USP10: variants seen among roughly 807,000 people sequenced by gnomAD.
USP10 encodes ubiquitin carboxyl-terminal hydrolase 10.
USP10 carries 22 observed loss-of-function variants against 84.5 expected under a neutral mutation model. That is an observed-to-expected ratio of 0.26 (90% CI 0.19 to 0.37). The LOEUF (loss-of-function observed/expected upper bound fraction) is 0.37, where lower values mean the gene tolerates loss of function less well. Among genes scored for constraint, USP10 ranks in the 10% least tolerant of loss-of-function variants. The pLI is 1.00. For missense variants in USP10, 1,019 were observed against 998.9 expected (o/e 1.02, Z -0.27); for synonymous variants, 454 against 387.6 (o/e 1.17, Z -2.01).
chr16:84,727,717 A>G (rs542386703), intron 1 of USP10, among the ~76,000 whole-genome samples: 59 of 152,344 alleles, frequency 3.9e-4, no homozygotes, highest in African/African-American at 1.4e-3. Flanking sequence ...CAGACATACA[A>G]TATTTTTCCA....
intron 1 of USP10, among the ~76,000 whole-genome samples, chr16:84,728,058 A>C (rs1477375338): frequency 6.6e-6 from 1 of 152,192 alleles, no homozygotes; most frequent in Non-Finnish European, 1.5e-5. Flanking sequence ...TTTGAACAGC[A>C]GTTTCTCCTC....
At position 84,779,132 on chromosome 16, in the gene USP10, C is replaced by G; in HGVS notation, c.*50C>G. 1.3e-6 allele frequency: 2 copies of G among 1,560,002 alleles called. No individual in the cohort carries two copies. The highest frequency in any genetic ancestry group is 1.7e-6 in the Non-Finnish European group (2 of 1,144,068). ...CCAGTGCCCGCTTCGTAGGACACCA[C>G]CTCACACTCACTTCCCGCCTCTCTT... On this transcript the variant is annotated 3_prime_UTR_variant, in exon 14 of 14. Transcript: ENST00000219473.
intron 13 of USP10, among the ~76,000 whole-genome samples, chr16:84,777,585 A>T (rs1413099664): frequency 1.3e-5 from 2 of 152,052 alleles, no homozygotes; most frequent in Non-Finnish European, 2.9e-5. Context: ...TGCTGTCCCT[A>T]TGCTGTTCAG....
At chr16:84,754,081 A>G (rs1164226515) in intron 4 of USP10, among the ~76,000 whole-genome samples, 1 of 152,056 alleles carries the variant, frequency 6.6e-6, no homozygotes, top group Non-Finnish European at 1.5e-5. Context: ...GAAGTGTGAG[A>G]GTCTTGTCTT....
chr16:84,778,571 T>C (rs1186522129), intron 13 of USP10, among the ~76,000 whole-genome samples: 1 of 152,212 alleles, frequency 6.6e-6, no homozygotes, highest in Non-Finnish European at 1.5e-5. Flanking sequence ...GAGCCAGGTC[T>C]GTAGGCCTGT....
intron 3 of USP10, among the ~76,000 whole-genome samples, chr16:84,743,966 T>C (rs1033343296): frequency 6.6e-6 from 1 of 152,208 alleles, no homozygotes; most frequent in Non-Finnish European, 1.5e-5. Context: ...TCAGACTTAA[T>C]TGAAGGTTAC....
At chr16:84,753,822 T>C (rs1168368861) in intron 4 of USP10, among the ~76,000 whole-genome samples, 7 of 152,248 alleles carry the variant, frequency 4.6e-5, no homozygotes, top group East Asian at 1.9e-4. Flanking sequence ...GAGAACTTAC[T>C]GTATGCCATG....
intron 1 of USP10, among the ~76,000 whole-genome samples, chr16:84,705,413 A>G (rs959034745): frequency 6.6e-6 from 1 of 151,888 alleles, no homozygotes; most frequent in African/African-American, 2.4e-5. Context: ...TTGTATTTTT[A>G]GTAGAGACTG....
At chr16:84,705,653 A>G (rs1905389540) in intron 1 of USP10, among the ~76,000 whole-genome samples, 1 of 146,292 alleles carries the variant, frequency 6.8e-6, no homozygotes, top group Non-Finnish European at 1.5e-5. Context: ...TCTTTGTTTT[A>G]TGAAGATGTG....
chr16:84,725,703 C>T (rs1027306256), intron 1 of USP10, among the ~76,000 whole-genome samples: 2 of 152,202 alleles, frequency 1.3e-5, no homozygotes, highest in African/African-American at 4.8e-5. Flanking sequence ...CGTGCCCGGC[C>T]TGTCTGACGA....
intron 3 of USP10, among the ~76,000 whole-genome samples, 163 bp downstream of exon 3, chr16:84,740,532 A>C (rs1910504844): frequency 2.0e-5 from 3 of 152,240 alleles, no homozygotes; most frequent in Non-Finnish European, 2.9e-5. Context: ...CACTTTGACT[A>C]GTGAATTGGT....
At chr16:84,762,060 G>A (rs1486011009) in intron 8 of USP10, among the ~76,000 whole-genome samples, 2 of 152,280 alleles carry the variant, frequency 1.3e-5, no homozygotes, top group Non-Finnish European at 2.9e-5. Context: ...GTGCTGTGAA[G>A]AATGAAATAT....
At chr16:84,760,422 TG>T in intron 8 of USP10, 147 bp downstream of exon 8, 1 of 678,854 alleles carries the variant, frequency 1.5e-6, no homozygotes, top group Non-Finnish European at 2.5e-6. Context: ...TTGGATGATA[TG>T]GTGCACCAAG....
intron 1 of USP10, among the ~76,000 whole-genome samples, chr16:84,701,881 T>C (rs1001160058): frequency 2.6e-5 from 4 of 151,904 alleles, no homozygotes; most frequent in Non-Finnish European, 5.9e-5. Context: ...GCTTTTAAGT[T>C]TTAGCATGGA....
rs114192901 is a variant in USP10 at position 84,727,140 on chromosome 16, A to G, written c.22-6295A>G. On this transcript the variant is annotated intron_variant, in intron 1 of 13. Transcript: ENST00000219473. ...GCTCTGCACTTTCTTTGAAATTACAAGAAACGATGAACTTACTCGTGCTTT... is the reference window on the plus strand; with the variant it reads ...GCTCTGCACTTTCTTTGAAATTACAGGAAACGATGAACTTACTCGTGCTTT... Among the ~76,000 whole-genome samples, 1,027 of 152,308 alleles carry G rather than the reference A, an allele frequency of 6.7e-3. 9 individuals carry two copies. Among genetic ancestry groups the G allele is most frequent in the African/African-American group, 0.023 (971 of 41,538 alleles).
chr16:84,747,483 C>G (rs1485367340), intron 4 of USP10, among the ~76,000 whole-genome samples: 3 of 149,722 alleles, frequency 2.0e-5, no homozygotes, highest in Non-Finnish European at 3.0e-5. Context: ...TTCTGAAGTT[C>G]TCTTAAATGA....
intron 4 of USP10, among the ~76,000 whole-genome samples, chr16:84,749,218 T>C (rs533507672): frequency 6.6e-6 from 1 of 152,338 alleles, no homozygotes; most frequent in African/African-American, 2.4e-5. Flanking sequence ...TGGTAAAACA[T>C]ACTCAGTTTG....
At chr16:84,704,969 C>G in intron 1 of USP10, 1 of 1,464,308 alleles carries the variant, frequency 6.8e-7, no homozygotes, top group Non-Finnish European at 9.2e-7. Flanking sequence ...ATGTGGAGTG[C>G]GGGCCCAGCA....
At chr16:84,709,062 G>C (rs1426925883) in intron 1 of USP10, 1 of 152,256 alleles carries the variant, frequency 6.6e-6, no homozygotes, top group Non-Finnish European at 1.5e-5. Context: ...CATTCATTCA[G>C]CAAATAGTTA....
Sources: gnomAD v4.1 joint callset for allele counts (sites outside exome capture counted in the v4.1 genomes callset) on GRCh38, gnomAD v4.1.1 for gene constraint, MANE v1.5 for transcripts, NCBI Gene and HGNC (gene_info 2026-07-23, HGNC 2026-07-21) for gene names.